DMD: variants seen among roughly 807,000 people sequenced by gnomAD.
The protein encoded by DMD is dystrophin, also known as mutant dystrophin.
A neutral mutation model predicts 330.1 loss-of-function variants in DMD; 63 were observed. That is an observed-to-expected ratio of 0.19 (90% confidence interval 0.16 to 0.24). The LOEUF (loss-of-function observed/expected upper bound fraction) is 0.24, where lower values mean the gene tolerates loss of function less well. Ranked by LOEUF, DMD falls within the 10% of genes least tolerant of loss-of-function variation. The pLI is 1.00. For missense variants in DMD, 3,344 were observed against 2,684.1 expected (o/e 1.25, Z -5.43); for synonymous variants, 1,223 against 959.8 (o/e 1.27, Z -5.07).
intron 18 of DMD, among the ~76,000 whole-genome samples, chrX:32,515,426 C>T (rs905610361): frequency 1.8e-5 from 2 of 110,848 alleles, no homozygotes; most frequent in South Asian, 7.8e-4. Flanking sequence ...AGTGCAGATC[C>T]GAGGAAGAGC....
intron 55 of DMD, among the ~76,000 whole-genome samples, chrX:31,622,793 T>C (rs2078608435): frequency 9.6e-6 from 1 of 103,663 alleles, no homozygotes; most frequent in Admixed American, 1.1e-4. Flanking sequence ...CCACGACACA[T>C]GGCAGGTGTT....
intron 16 of DMD, among the ~76,000 whole-genome samples, chrX:32,556,475 A>G (rs2050313288): frequency 8.9e-6 from 1 of 111,780 alleles, no homozygotes; most frequent in South Asian, 3.8e-4. Flanking sequence ...TATATACCCA[A>G]ATATAAATCA....
intron 9 of DMD, among the ~76,000 whole-genome samples, chrX:32,653,161 A>C (rs1267630355): frequency 3.6e-5 from 4 of 111,688 alleles, no homozygotes; most frequent in African/African-American, 9.8e-5. Flanking sequence ...TCCTTGGTTT[A>C]ATTAGATCCC....
At chrX:33,214,207 T>C (rs111896357), upstream of DMD, among the ~76,000 whole-genome samples, 6,320 of 110,768 alleles carry the variant, frequency 0.057, 471 homozygotes, top group African/African-American at 0.2. Context: ...CAGGGTTTGG[T>C]CACTACAAAT....
chrX:32,540,446 G>C lies in DMD; in HGVS notation c.2168+4713C>G, dbSNP rs182262090. 1.1e-4 allele frequency among the ~76,000 whole-genome samples: 12 copies of C among 111,350 alleles called. No individual in the cohort carries two copies. In the East Asian group the frequency reaches 3.4e-3, roughly 31 times the overall value. ...GAATTTTAAATCCCTTAATTGTTTT[G>C]GGTAAATAAGGATACCCTAATGGGT... On this transcript the variant is annotated intron_variant, in intron 17 of 78. Transcript: ENST00000357033.
At chrX:32,935,130 C>T (rs375551360) in intron 2 of DMD, among the ~76,000 whole-genome samples, 16 of 112,398 alleles carry the variant, frequency 1.4e-4, no homozygotes, top group African/African-American at 4.2e-4. Flanking sequence ...AGGCGCCCGC[C>T]ACCACGCCCC....
intron 2 of DMD, among the ~76,000 whole-genome samples, chrX:32,853,769 G>GAAAAAAAAAAAAAAAAAAAA (rs1162458210): frequency 8.9e-5 from 5 of 56,084 alleles, no homozygotes; most frequent in Non-Finnish European, 1.2e-4. Flanking sequence ...CACAGTGACA[G>GAAAAAAAAAAAAAAAAAAAA]AAAAAAAAAA....
chrX:31,269,347 A>ATAT (rs1010272916), intron 62 of DMD, among the ~76,000 whole-genome samples: 32 of 110,701 alleles, frequency 2.9e-4, no homozygotes, highest in Admixed American at 5.8e-4. Flanking sequence ...CCTTCTGATT[A>ATAT]TATTATTATT....
chrX:32,483,117 T>C (rs2042059937), intron 21 of DMD, among the ~76,000 whole-genome samples: 1 of 74,034 alleles, frequency 1.4e-5, no homozygotes, highest in Non-Finnish European at 2.7e-5. Flanking sequence ...TCAACTGCTA[T>C]GTAATTTCAT....
chrX:32,824,530 TGA>T (rs1305759513), intron 4 of DMD, among the ~76,000 whole-genome samples: 2 of 111,859 alleles, frequency 1.8e-5, no homozygotes, highest in African/African-American at 6.5e-5. Flanking sequence ...TCCGTATCTA[TGA>T]GAGTCTTGAA....
chrX:31,182,056 A>C (rs12013860), intron 68 of DMD, among the ~76,000 whole-genome samples: 2,160 of 112,563 alleles, frequency 0.019, 51 homozygotes, highest in African/African-American at 0.064. Context: ...TTTTAAGACT[A>C]TCAGAATAAC....
At chrX:33,001,865 C>G (rs182583119) in intron 2 of DMD, among the ~76,000 whole-genome samples, 3 of 110,877 alleles carry the variant, frequency 2.7e-5, no homozygotes, top group East Asian at 2.9e-4. Flanking sequence ...TAATCTAAAA[C>G]AGTTCCCTCA....
At chrX:32,617,914 C>G (rs977052327) in intron 11 of DMD, among the ~76,000 whole-genome samples, 2 of 111,095 alleles carry the variant, frequency 1.8e-5, no homozygotes, top group African/African-American at 6.5e-5. Flanking sequence ...AGGCAAAAGA[C>G]CAAAATAGAC....
intron 2 of DMD, among the ~76,000 whole-genome samples, chrX:32,923,630 T>C: frequency 9.0e-6 from 1 of 111,728 alleles, no homozygotes; most frequent in Middle Eastern, 4.7e-3. Flanking sequence ...GATAATTGCC[T>C]ATTGTCCTAC....
intron 1 of DMD, among the ~76,000 whole-genome samples, chrX:33,132,153 ATCT>A (rs2095503331): frequency 8.9e-6 from 1 of 112,281 alleles, no homozygotes; most frequent in Admixed American, 9.4e-5. Context: ...GTCAGATTAT[ATCT>A]TCTTAAACAT....
At chrX:33,266,448 T>C (rs1332992317) in intron 1 of DMD, among the ~76,000 whole-genome samples, 1 of 111,795 alleles carries the variant, frequency 8.9e-6, no homozygotes, top group Non-Finnish European at 1.9e-5. Context: ...AAGTGTTTCA[T>C]TGAGTACAGC....
At position 33,106,202 on chromosome X, in the gene DMD, T is replaced by G. The variant is rs375412404; in HGVS notation, c.32-86002A>C. 4.9e-4 allele frequency among the ~76,000 whole-genome samples: 54 copies of G among 111,056 alleles called. 1 individual carries two copies. In the South Asian group the frequency reaches 9.6e-3, roughly 20 times the overall value. ...CAGAAATGGAAAATCAAATACTGTG[T>G]GTTCTCACTTATAATGGGAACTAAC... On this transcript the variant is annotated intron_variant, in intron 1 of 78. Transcript: ENST00000357033.
intron 1 of DMD, among the ~76,000 whole-genome samples, chrX:33,166,755 A>G (rs935843858): frequency 7.3e-5 from 8 of 109,852 alleles, no homozygotes; most frequent in African/African-American, 2.3e-4. Flanking sequence ...TTCTGAATAT[A>G]CATACATACA....
At chrX:31,677,634 T>C (rs2082152695) in intron 53 of DMD, among the ~76,000 whole-genome samples, 1 of 112,373 alleles carries the variant, frequency 8.9e-6, no homozygotes, top group Non-Finnish European at 1.9e-5. Context: ...AATTCATCTA[T>C]GCTCATCCAT....
Sources: gnomAD v4.1 joint callset for allele counts (sites outside exome capture counted in the v4.1 genomes callset) on GRCh38, gnomAD v4.1.1 for gene constraint, MANE v1.5 for transcripts, NCBI Gene and HGNC (gene_info 2026-07-23, HGNC 2026-07-21) for gene names.